DOK6: variants seen among roughly 807,000 people sequenced by gnomAD.
DOK6 encodes the protein downstream of tyrosine kinase 6.
DOK6 carries 22 observed loss-of-function variants against 44.0 expected under a neutral mutation model. That is an observed-to-expected ratio of 0.50 (90% confidence interval 0.36 to 0.71). The LOEUF is 0.71. DOK6 is among the 30% of genes least tolerant of loss of function. The probability of loss-of-function intolerance (pLI) is 0.00; values close to 1 mark genes in which losing one functional copy is unlikely to be tolerated. For missense variants in DOK6, 340 were observed against 416.4 expected (o/e 0.82, Z 1.60); for synonymous variants, 166 against 145.5 (o/e 1.14, Z -1.01).
chr18:69,722,592 C>T (rs895266289), intron 5 of DOK6, among the ~76,000 whole-genome samples: 4 of 152,124 alleles, frequency 2.6e-5, no homozygotes, highest in African/African-American at 2.4e-5. Context: ...GTCAAGGTCA[C>T]GTAAGTCATT....
intron 5 of DOK6, among the ~76,000 whole-genome samples, chr18:69,703,252 C>T (rs1331529730): frequency 6.6e-6 from 1 of 152,150 alleles, no homozygotes; most frequent in African/African-American, 2.4e-5. Context: ...GCCTTTGCTA[C>T]TCTATACTTT....
At chr18:69,478,148 T>G (rs996535873) in intron 1 of DOK6, among the ~76,000 whole-genome samples, 1 of 152,162 alleles carries the variant, frequency 6.6e-6, no homozygotes. Flanking sequence ...TATTCTATAC[T>G]CCCATTAGCT....
chr18:69,677,626 C>A, intron 3 of DOK6, 108 bp from the exon 4 acceptor site: 2 of 1,555,164 alleles, frequency 1.3e-6, no homozygotes, highest in South Asian at 1.2e-5. Flanking sequence ...TTTTTAAAGG[C>A]AGGTTCTTAA....
intron 1 of DOK6, among the ~76,000 whole-genome samples, chr18:69,554,424 C>A (rs1372916544): frequency 4.6e-5 from 7 of 152,120 alleles, no homozygotes; most frequent in Admixed American, 6.6e-5. Flanking sequence ...TAGAAATAAT[C>A]CTTGTATCAT....
intron 5 of DOK6, among the ~76,000 whole-genome samples, chr18:69,702,134 GT>G (rs34123199): frequency 0.023 from 2,849 of 126,336 alleles, 75 homozygotes; most frequent in African/African-American, 0.071. Context: ...TTCTGGGTTG[GT>G]TTTTTTTTTT....
intron 7 of DOK6, among the ~76,000 whole-genome samples, chr18:69,822,231 TG>T (rs1981593972): frequency 6.6e-6 from 1 of 152,174 alleles, no homozygotes; most frequent in African/African-American, 2.4e-5. Flanking sequence ...GCGTGGGAAT[TG>T]TTAAATATCA....
In DOK6 at chr18:69,650,638, G is replaced by A. The variant is rs576935911; in HGVS notation, c.290-27096G>A. On this transcript the variant is annotated intron_variant, in intron 3 of 7. Coordinates refer to ENST00000382713, the MANE Select transcript of DOK6 (RefSeq NM_152721.6). ...AGGGAGGTGACCCTTGCTGTTCAAC[G>A]GGTGTAAAGCTTCAGTTATGCCAGA... is the stretch of plus-strand genomic sequence containing the variant. Among the ~76,000 whole-genome samples, 10 of 152,252 alleles carry A rather than the reference G, an allele frequency of 6.6e-5. No homozygotes were observed. The East Asian group carries it at 7.7e-4, about 12-fold the overall frequency.
chr18:69,659,858 A>ATAACATATATGTATGTTT lies in DOK6; in HGVS notation c.290-17874_290-17873insACATATATGTATGTTTTA, dbSNP rs1985469805. 4 of 85,738 alleles carry ATAACATATATGTATGTTT rather than the reference A, an allele frequency of 4.7e-5. 1 individual carries two copies. The highest frequency in any genetic ancestry group is 1.6e-4 in the Admixed American group (1 of 6,076). The allele number at this position is 85,738 out of a possible 1,614,324, so 5.3% of individuals were successfully genotyped here. A position where few individuals can be genotyped will look rare whatever the true frequency, so the allele number is the denominator to read the frequency against. Reference sequence around the variant, plus strand: ...TATAACATATATGTATGTTATATATATATATATAAAACATATATGTATGTT... The same window carrying ATAACATATATGTATGTTT: ...TATAACATATATGTATGTTATATATATAACATATATGTATGTTTTATATATAAAACATATATGTATGTT... On this transcript the variant is annotated intron_variant, in intron 3 of 7. Coordinates refer to ENST00000382713, the MANE Select transcript of DOK6 (RefSeq NM_152721.6).
intron 5 of DOK6, among the ~76,000 whole-genome samples, chr18:69,713,170 C>A (rs1224177093): frequency 2.0e-5 from 3 of 152,054 alleles, no homozygotes; most frequent in Admixed American, 6.5e-5. Flanking sequence ...TATTATTTAT[C>A]GTTTTAAAAT....
intron 1 of DOK6, among the ~76,000 whole-genome samples, chr18:69,546,416 CT>C (rs1982405898): frequency 6.6e-6 from 1 of 151,604 alleles, no homozygotes; most frequent in Non-Finnish European, 1.5e-5. Context: ...GAACCTCTCA[CT>C]TTCTACCTCT....
chr18:69,492,230 G>A (rs1980754129), intron 1 of DOK6, among the ~76,000 whole-genome samples: 1 of 152,062 alleles, frequency 6.6e-6, no homozygotes, highest in Non-Finnish European at 1.5e-5. Flanking sequence ...AAAACAAAGT[G>A]TCACACAATT....
chr18:69,816,532 A>G (rs964963835), intron 7 of DOK6, among the ~76,000 whole-genome samples: 2 of 152,196 alleles, frequency 1.3e-5, no homozygotes, highest in Non-Finnish European at 2.9e-5. Context: ...TTGGAGTATT[A>G]TATCTTCCTC....
intron 1 of DOK6, among the ~76,000 whole-genome samples, chr18:69,463,347 A>G (rs2122477421): frequency 6.6e-6 from 1 of 151,210 alleles, no homozygotes; most frequent in Admixed American, 6.6e-5. Context: ...AAATTCTACC[A>G]TAGCAGTTTC....
At chr18:69,401,473 C>T (rs1916098431) in intron 1 of DOK6, among the ~76,000 whole-genome samples, 163 bp downstream of exon 1, 1 of 151,840 alleles carries the variant, frequency 6.6e-6, no homozygotes, top group Non-Finnish European at 1.5e-5. Context: ...GGGGCCCACA[C>T]CTGCCGGGGG....
At chr18:69,656,648 TTA>T (rs1257113479) in intron 3 of DOK6, among the ~76,000 whole-genome samples, 1 of 152,178 alleles carries the variant, frequency 6.6e-6, no homozygotes, top group Non-Finnish European at 1.5e-5. Context: ...TTTTAAGAAT[TTA>T]AAAACAACAG....
At chr18:69,692,944 G>A (rs1986300622) in intron 4 of DOK6, among the ~76,000 whole-genome samples, 1 of 151,920 alleles carries the variant, frequency 6.6e-6, no homozygotes, top group African/African-American at 2.4e-5. Flanking sequence ...GCCTCATGAG[G>A]GATAAAGGTT....
rs149118179 is a variant in DOK6, at chr18:69,777,688, T to C, written c.856+19815T>C. 6.1e-3 allele frequency among the ~76,000 whole-genome samples: 889 copies of C among 146,098 alleles called. 5 individuals are homozygous for C. Among genetic ancestry groups the C allele is most frequent in the African/African-American group, 0.02 (798 of 39,244 alleles). ...CCTTCCCAATCTCCCACCTCTTCTCTCTCCTCAGCCCCTACACTTCACAAC... is the reference window on the plus strand; with the variant it reads ...CCTTCCCAATCTCCCACCTCTTCTCCCTCCTCAGCCCCTACACTTCACAAC... On this transcript the variant is annotated intron_variant, in intron 7 of 7. Transcript: ENST00000382713.
At chr18:69,698,342 T>C in intron 4 of DOK6, 62 bp from the exon 5 acceptor site, 1 of 1,442,038 alleles carries the variant, frequency 6.9e-7, no homozygotes, top group Non-Finnish European at 9.4e-7. Flanking sequence ...ATTAATATCG[T>C]ATGGCCATAG....
intron 1 of DOK6, among the ~76,000 whole-genome samples, chr18:69,562,111 GGAAA>G (rs1177442306): frequency 6.6e-6 from 1 of 152,018 alleles, no homozygotes; most frequent in African/African-American, 2.4e-5. Flanking sequence ...TTCAATTATT[GGAAA>G]GAAAGATTCA....
Sources: allele counts gnomAD v4.1 joint callset (sites outside exome capture counted in the v4.1 genomes callset), GRCh38; gene constraint gnomAD v4.1.1; transcripts MANE v1.5; gene names NCBI Gene and HGNC (gene_info 2026-07-23, HGNC 2026-07-21).